Variants in LRRTM4 observed in about 807,000 individuals in gnomAD.
LRRTM4 encodes leucine-rich repeat transmembrane neuronal protein 4.
In LRRTM4, 25 loss-of-function variants were observed where a neutral mutation model predicts 47.6. The ratio of observed to expected loss-of-function variants is 0.53; its 90% CI spans 0.38 to 0.73. The LOEUF is 0.73. Among genes scored for constraint, LRRTM4 ranks in the 30% least tolerant of loss-of-function variants. The pLI is 0.00. For missense variants in LRRTM4, 638 were observed against 713.4 expected (o/e 0.89, Z 1.20); for synonymous variants, 311 against 269.5 (o/e 1.15, Z -1.51).
intron 3 of LRRTM4, among the ~76,000 whole-genome samples, chr2:77,081,775 T>A (rs528303626): frequency 6.6e-6 from 1 of 152,286 alleles, no homozygotes; most frequent in East Asian, 1.9e-4. Flanking sequence ...GAAAAACTGT[T>A]TAACTTTCTT....
intron 3 of LRRTM4, among the ~76,000 whole-genome samples, chr2:77,193,667 G>A (rs1431305726): frequency 2.0e-5 from 3 of 151,962 alleles, no homozygotes; most frequent in Non-Finnish European, 1.5e-5. Context: ...AAAATTAGCC[G>A]GGCATGGTGG....
intron 3 of LRRTM4, among the ~76,000 whole-genome samples, chr2:77,448,098 T>C (rs115143765): frequency 1.9e-4 from 29 of 152,302 alleles, no homozygotes; most frequent in African/African-American, 6.5e-4. Context: ...TTAATCATTC[T>C]CTAATTAATT....
At chr2:77,482,480 T>C (rs1677746075) in intron 3 of LRRTM4, among the ~76,000 whole-genome samples, 1 of 152,196 alleles carries the variant, frequency 6.6e-6, no homozygotes, top group South Asian at 2.1e-4. Context: ...GATTAATTTC[T>C]ATGCTATTTG....
Position 76,802,601 on chromosome 2 carries a change from A to C in LRRTM4, c.1552-53685T>G, listed in dbSNP as rs1260350538. On this transcript the variant is annotated intron_variant, in intron 3 of 3. Coordinates refer to ENST00000409884, the MANE Select transcript of LRRTM4 (RefSeq NM_001134745.3). ...CCAATGGCATTTTTCACATAATAGG[A>C]AACAGAATTGTACAATTTATATGGA... 3.3e-5 allele frequency among the ~76,000 whole-genome samples: 5 copies of C among 152,118 alleles called. No homozygotes were observed. The East Asian group carries it at 9.6e-4, about 29-fold the overall frequency.
At chr2:76,894,145 G>A (rs544282539) in intron 3 of LRRTM4, among the ~76,000 whole-genome samples, 12 of 151,840 alleles carry the variant, frequency 7.9e-5, no homozygotes, top group Non-Finnish European at 1.8e-4. Context: ...GAAATACTTG[G>A]GTATTCAAAA....
At chr2:77,254,357 TAAAAC>T (rs1238297807) in intron 3 of LRRTM4, among the ~76,000 whole-genome samples, 1 of 150,736 alleles carries the variant, frequency 6.6e-6, no homozygotes, top group Non-Finnish European at 1.5e-5. Context: ...TGGAGGAAAA[TAAAAC>T]AAACAAAAAA....
chr2:77,496,824 C>T (rs919074545), intron 3 of LRRTM4, among the ~76,000 whole-genome samples: 1 of 151,392 alleles, frequency 6.6e-6, no homozygotes, highest in Non-Finnish European at 1.5e-5. Context: ...AACGTGTTTC[C>T]TCCTCTTCAA....
intron 3 of LRRTM4, among the ~76,000 whole-genome samples, chr2:76,889,653 G>T (rs1573262664): frequency 6.6e-6 from 1 of 151,984 alleles, no homozygotes; most frequent in African/African-American, 2.4e-5. Flanking sequence ...GATCCAATTA[G>T]CAAGAAGAAG....
chr2:77,001,378 C>T (rs1380364818), intron 3 of LRRTM4, among the ~76,000 whole-genome samples: 1 of 152,096 alleles, frequency 6.6e-6, no homozygotes, highest in Non-Finnish European at 1.5e-5. Flanking sequence ...TCCTGGGTCC[C>T]AATTCCCAGG....
At chr2:76,857,321 A>G (rs937733715) in intron 3 of LRRTM4, among the ~76,000 whole-genome samples, 6 of 147,930 alleles carry the variant, frequency 4.1e-5, no homozygotes, top group Non-Finnish European at 7.4e-5. Context: ...TATATATATA[A>G]TATATATATC....
intron 3 of LRRTM4, among the ~76,000 whole-genome samples, chr2:76,956,388 G>A (rs945515388): frequency 6.6e-6 from 1 of 151,274 alleles, no homozygotes; most frequent in African/African-American, 2.4e-5. Context: ...TGTCCAAAGG[G>A]AAATTAGAAA....
chr2:77,277,309 T>C (rs1676388327), intron 3 of LRRTM4, among the ~76,000 whole-genome samples: 1 of 137,636 alleles, frequency 7.3e-6, no homozygotes, highest in Non-Finnish European at 1.5e-5. Flanking sequence ...TTTAGTTCAG[T>C]ATAAGTTTTA....
intron 3 of LRRTM4, among the ~76,000 whole-genome samples, chr2:77,401,753 A>G (rs549669827): frequency 6.6e-6 from 1 of 152,040 alleles, no homozygotes; most frequent in African/African-American, 2.4e-5. Flanking sequence ...TTTGTAAATA[A>G]ATTATATATT....
intron 3 of LRRTM4, among the ~76,000 whole-genome samples, chr2:77,100,575 T>C (rs1464132608): frequency 6.6e-6 from 1 of 151,994 alleles, no homozygotes; most frequent in Non-Finnish European, 1.5e-5. Flanking sequence ...AAATAAAAGG[T>C]AGGGTTTCTT....
chr2:76,987,024 CTTTT>C (rs1447788818), intron 3 of LRRTM4, among the ~76,000 whole-genome samples: 1 of 151,654 alleles, frequency 6.6e-6, no homozygotes, highest in Non-Finnish European at 1.5e-5. Context: ...ATAAAGTATT[CTTTT>C]ATTTATTTTT....
At chr2:76,811,713 G>A (rs146961480) in intron 3 of LRRTM4, among the ~76,000 whole-genome samples, 1 of 152,028 alleles carries the variant, frequency 6.6e-6, no homozygotes, top group Non-Finnish European at 1.5e-5. Context: ...TCTTTAGAAG[G>A]GTCCCATGTT....
intron 3 of LRRTM4, among the ~76,000 whole-genome samples, chr2:77,187,165 T>C (rs145580773): frequency 1.3e-5 from 2 of 152,268 alleles, no homozygotes; most frequent in Non-Finnish European, 2.9e-5. Flanking sequence ...AGCCAATGTC[T>C]GGATGTTTGG....
intron 3 of LRRTM4, among the ~76,000 whole-genome samples, chr2:77,096,833 G>A (rs556587687): frequency 6.6e-6 from 1 of 151,822 alleles, no homozygotes; most frequent in African/African-American, 2.4e-5. Context: ...AGGAGAAATA[G>A]AGTGTCCATA....
chr2:77,260,322 T>G (rs1306316802), intron 3 of LRRTM4, among the ~76,000 whole-genome samples: 8 of 151,748 alleles, frequency 5.3e-5, no homozygotes, highest in Non-Finnish European at 1.2e-4. Context: ...GCATTAGATT[T>G]TCTCTAATAC....
Sources: gnomAD v4.1 joint callset for allele counts (sites outside exome capture counted in the v4.1 genomes callset) on GRCh38, gnomAD v4.1.1 for gene constraint, MANE v1.5 for transcripts, NCBI Gene and HGNC (gene_info 2026-07-23, HGNC 2026-07-21) for gene names.